The following RAB14 variants were observed in gnomAD, a reference collection of about 807,000 sequenced individuals.
RAB14 encodes the protein ras-related protein Rab-14.
Under a neutral mutation model 31.1 loss-of-function variants are expected in RAB14, and 3 were observed. That is an observed-to-expected ratio of 0.10 (90% CI 0.04 to 0.25). RAB14 has a LOEUF of 0.25. Among genes scored for constraint, RAB14 ranks in the 10% least tolerant of loss-of-function variants. The probability of loss-of-function intolerance (pLI) is 1.00; values close to 1 mark genes in which losing one functional copy is unlikely to be tolerated. For synonymous variants in RAB14, 85 were observed against 84.9 expected (o/e 1.00, Z 0.00); for missense variants, 111 against 260.1 (o/e 0.43, Z 3.94).
chr9:121,190,717 G>A lies in RAB14; in HGVS notation c.121C>T (p.Pro41Ser). The change falls in exon 4 of 8, where the codon CCT (proline) becomes TCT (serine). Residue 41 changes from proline (P) to serine (S), a missense_variant. By Grantham distance (74) the Pro-to-Ser change is moderately conservative (BLOSUM62 -1). Coordinates refer to ENST00000373840, the MANE Select transcript of RAB14 (RefSeq NM_016322.4). ...FTEKKFMADCPHTIGVEFGTR... is the reference protein window; with the variant it reads ...FTEKKFMADCSHTIGVEFGTR... ...CCAAATTCAACACCAATTGTGTGAG[G>A]ACAATCAGCCATAACTGTTAAGGAG... 6.2e-7 allele frequency: 1 copy of A among 1,612,922 alleles called. No individual in the cohort carries two copies. Among genetic ancestry groups the A allele is most frequent in the Non-Finnish European group, 8.5e-7 (1 of 1,179,374 alleles).
chr9:121,195,226 T>A (rs1353039319), intron 1 of RAB14, among the ~76,000 whole-genome samples: 1 of 152,124 alleles, frequency 6.6e-6, no homozygotes, highest in Non-Finnish European at 1.5e-5. Context: ...ATTATTAACT[T>A]CTTAACTTGA....
Position 121,183,538 on chromosome 9 carries a change from A to G in RAB14, c.352-140T>C, listed in dbSNP as rs551197542. The stretch of plus-strand genomic sequence containing the variant: ...AACCAAGTACTAGCAATTATCCACT[A>G]GACAGGGCTACAGATTCATGAAGTC... On this transcript the variant is annotated intron_variant, in intron 5 of 7. Coordinates refer to ENST00000373840, the MANE Select transcript of RAB14 (RefSeq NM_016322.4). 4.6e-5 allele frequency: 29 copies of G among 637,102 alleles called. No homozygotes were observed. In the African/African-American group the frequency reaches 4.7e-4, roughly 10 times the overall value. 39.5% of individuals were successfully genotyped at this position (637,102 alleles called of 1,614,324 possible). A position where few individuals can be genotyped will look rare whatever the true frequency, so the allele number is the denominator to read the frequency against.
intron 1 of RAB14, among the ~76,000 whole-genome samples, chr9:121,200,685 C>T (rs1470472257): frequency 6.6e-6 from 1 of 152,132 alleles, no homozygotes. Context: ...TAACCCTAGC[C>T]TAATTTTTGA....
At chr9:121,188,280 G>A (rs992204998) in intron 4 of RAB14, among the ~76,000 whole-genome samples, 33 of 152,004 alleles carry the variant, frequency 2.2e-4, no homozygotes, top group Admixed American at 2.1e-3. Context: ...CAACAGGTAT[G>A]TTTTACTACT....
chr9:121,194,773 CA>C (rs2053706042), intron 1 of RAB14, among the ~76,000 whole-genome samples: 4 of 152,110 alleles, frequency 2.6e-5, no homozygotes, highest in Admixed American at 2.6e-4. Context: ...TTCTATATAA[CA>C]ACATTGAACC....
chr9:121,196,434 G>A (rs1335518037), intron 1 of RAB14, among the ~76,000 whole-genome samples: 1 of 151,996 alleles, frequency 6.6e-6, no homozygotes, highest in Admixed American at 6.6e-5. Flanking sequence ...ACATATGCCG[G>A]GCAATGTGCT....
At chr9:121,190,856 C>G in intron 3 of RAB14, 125 bp from the exon 4 acceptor site, 1 of 887,194 alleles carries the variant, frequency 1.1e-6, no homozygotes, top group Non-Finnish European at 1.6e-6. Context: ...TAGACTAAAG[C>G]TACCGCTAAA....
chr9:121,192,502 T>C (rs929235155), intron 2 of RAB14, among the ~76,000 whole-genome samples: 1 of 152,136 alleles, frequency 6.6e-6, no homozygotes, highest in Non-Finnish European at 1.5e-5. Context: ...TTTTTTTTAC[T>C]TTGAGCTGTT....
chr9:121,184,093 G>A (rs2053647482), intron 5 of RAB14, among the ~76,000 whole-genome samples: 1 of 152,172 alleles, frequency 6.6e-6, no homozygotes, highest in Non-Finnish European at 1.5e-5. Context: ...TCAGTGGTAG[G>A]AGGACATTAG....
At chr9:121,189,827 T>G (rs745553105) in intron 4 of RAB14, among the ~76,000 whole-genome samples, 26 of 152,154 alleles carry the variant, frequency 1.7e-4, no homozygotes, top group Non-Finnish European at 2.9e-4. Context: ...ACATTGCTTT[T>G]GACTGGCACT....
rs1223791975 is a variant in RAB14 at position 121,181,110 on chromosome 9, C to A, written c.*286G>T. 4 of 256,198 alleles carry A rather than the reference C, an allele frequency of 1.6e-5. No homozygotes were observed. The highest frequency in any genetic ancestry group is 2.9e-5 in the Non-Finnish European group (4 of 135,950). 15.9% of individuals were successfully genotyped at this position (256,198 alleles called of 1,614,324 possible). A position where few individuals can be genotyped will look rare whatever the true frequency, so the allele number is the denominator to read the frequency against. On this transcript the variant is annotated 3_prime_UTR_variant, in exon 8 of 8. Transcript: ENST00000373840. ...AATCATGAAGTCCAGCATCAGTGCT[C>A]GGTTTAAATCATATATTGGTGACAT...
intron 4 of RAB14, 37 bp from the exon 5 acceptor site, chr9:121,187,056 T>A (rs1408649861): frequency 1.6e-6 from 2 of 1,278,722 alleles, no homozygotes; most frequent in Non-Finnish European, 2.2e-6. Context: ...GACTGCCATA[T>A]AATTATAGAA....
chr9:121,179,470 T>C lies in RAB14; in HGVS notation c.*1926A>G, dbSNP rs953340614. 1 of 152,658 alleles carries C rather than the reference T, an allele frequency of 6.6e-6. No individual in the cohort carries two copies. The highest frequency in any genetic ancestry group is 2.4e-5 in the African/African-American group (1 of 41,466). The allele number at this position is 152,658 out of a possible 1,614,324, so 9.5% of individuals were successfully genotyped here. A position where few individuals can be genotyped will look rare whatever the true frequency, so the allele number is the denominator to read the frequency against. On this transcript the variant is annotated 3_prime_UTR_variant, in exon 8 of 8. Coordinates refer to ENST00000373840, the MANE Select transcript of RAB14 (RefSeq NM_016322.4). ...ACCTCAACAAGCCGCAGTCTTTAGT[T>C]TGTGATTGCTACCTTATATCCCAAT...
intron 1 of RAB14, among the ~76,000 whole-genome samples, chr9:121,198,588 GTTT>G (rs771037424): frequency 1.8e-4 from 27 of 152,114 alleles, no homozygotes; most frequent in African/African-American, 3.9e-4. Flanking sequence ...CCACTGATAA[GTTT>G]TTTGTTTGTT....
In RAB14 at chr9:121,193,229, T is replaced by C. The variant is rs111489865; in HGVS notation, c.52+132A>G. The C allele has an allele frequency of 4.5e-4, 277 of 612,260 alleles. 2 individuals carry two copies. In the African/African-American group the frequency reaches 4.6e-3, roughly 10 times the overall value. The allele number at this position is 612,260 out of a possible 1,614,324, so 37.9% of individuals were successfully genotyped here. On this transcript the variant is annotated intron_variant, in intron 2 of 7. Coordinates refer to ENST00000373840, the MANE Select transcript of RAB14 (RefSeq NM_016322.4). ...GCATTGCTAATGCAAAAATAAATCT[T>C]ATAAAAGGAGTTTTAGTTTTACAGT...
chr9:121,201,402 G>A (rs919740365), intron 1 of RAB14, among the ~76,000 whole-genome samples: 1 of 152,070 alleles, frequency 6.6e-6, no homozygotes, highest in Non-Finnish European at 1.5e-5. Context: ...GTTGGGGAGG[G>A]CAGGAGGCTC....
intron 1 of RAB14, among the ~76,000 whole-genome samples, chr9:121,195,799 T>C (rs2053712108): frequency 6.6e-6 from 1 of 152,110 alleles, no homozygotes; most frequent in Admixed American, 6.5e-5. Flanking sequence ...TTTAACACTG[T>C]AGCCACCAAC....
intron 7 of RAB14, among the ~76,000 whole-genome samples, 154 bp downstream of exon 7, chr9:121,182,776 G>A (rs1319781561): frequency 6.6e-6 from 1 of 152,164 alleles, no homozygotes. Context: ...AAAAAAGGAA[G>A]CAAAGAGATG....
intron 7 of RAB14, among the ~76,000 whole-genome samples, chr9:121,182,108 C>A (rs992578911): frequency 5.3e-5 from 8 of 152,032 alleles, no homozygotes; most frequent in African/African-American, 1.9e-4. Flanking sequence ...TTCTACAAAC[C>A]CTATTTGGAC....
Sources: gnomAD v4.1 joint callset for allele counts (sites outside exome capture counted in the v4.1 genomes callset) on GRCh38, gnomAD v4.1.1 for gene constraint, MANE v1.5 for transcripts, NCBI Gene and HGNC (gene_info 2026-07-23, HGNC 2026-07-21) for gene names.